Variants in SP100 observed in about 807,000 individuals in gnomAD.
SP100 encodes SP100 nuclear body protein.
A neutral mutation model predicts 130.0 loss-of-function variants in SP100; 84 were observed. The observed-to-expected ratio is 0.65, with a 90% CI of 0.54 to 0.77. The LOEUF (loss-of-function observed/expected upper bound fraction) is 0.77, where lower values mean the gene tolerates loss of function less well. SP100 is among the 30% of genes least tolerant of loss of function. The probability of loss-of-function intolerance (pLI) is 0.00; values close to 1 mark genes in which losing one functional copy is unlikely to be tolerated. For missense variants in SP100, 978 were observed against 1,052.2 expected (o/e 0.93, Z 0.97); for synonymous variants, 331 against 351.7 (o/e 0.94, Z 0.66).
intron 17 of SP100, among the ~76,000 whole-genome samples, chr2:230,476,996 G>A (rs964459619): frequency 1.3e-5 from 2 of 152,008 alleles, no homozygotes; most frequent in African/African-American, 4.8e-5. Flanking sequence ...CTCCCGAGTA[G>A]CTAGGATTAC....
chr2:230,538,769 G>A (rs1692050754), intron 24 of SP100: 1 of 155,110 alleles, frequency 6.4e-6, no homozygotes, highest in Non-Finnish European at 1.4e-5. Context: ...CAGGCCCAGA[G>A]CCCTCCAGGA....
chr2:230,500,392 G>T (rs1190093594), intron 19 of SP100, among the ~76,000 whole-genome samples: 1 of 152,216 alleles, frequency 6.6e-6, no homozygotes, highest in African/African-American at 2.4e-5. Context: ...CAGGCCAAGA[G>T]CTGGGAAGCA....
chr2:230,436,907 CAT>C (rs1491322147), intron 2 of SP100, among the ~76,000 whole-genome samples: 6 of 57,216 alleles, frequency 1.0e-4, no homozygotes, highest in African/African-American at 3.3e-4. Flanking sequence ...TACACACACG[CAT>C]ATATGTGTAT....
At chr2:230,467,069 T>C (rs766910694) in intron 12 of SP100, 51 bp from the exon 13 acceptor site, 1 of 1,219,500 alleles carries the variant, frequency 8.2e-7, no homozygotes, top group Non-Finnish European at 1.2e-6. Flanking sequence ...TCTGACTTGG[T>C]TCCCTTATCA....
At chr2:230,442,897 A>G in intron 2 of SP100, 40 bp from the exon 3 acceptor site, 1 of 1,581,544 alleles carries the variant, frequency 6.3e-7, no homozygotes, top group Non-Finnish European at 8.6e-7. Flanking sequence ...ACATCTCAGA[A>G]TCTTGATGAC....
intron 24 of SP100, among the ~76,000 whole-genome samples, chr2:230,529,009 C>T (rs946707372): frequency 6.6e-6 from 1 of 152,210 alleles, no homozygotes; most frequent in Non-Finnish European, 1.5e-5. Flanking sequence ...CAAAGAGGAG[C>T]TGGTCCCATT....
intron 1 of SP100, among the ~76,000 whole-genome samples, chr2:230,417,115 A>T (rs548535981): frequency 1.3e-5 from 2 of 152,326 alleles, no homozygotes; most frequent in African/African-American, 4.8e-5. Context: ...TTTGCCACTC[A>T]GCCATTCTTG....
chr2:230,464,296 T>C (rs895397520), intron 11 of SP100, 146 bp downstream of exon 11: 8 of 600,304 alleles, frequency 1.3e-5, no homozygotes, highest in Non-Finnish European at 2.4e-5. Flanking sequence ...ACATTTAACC[T>C]CTCTGGCCCT....
chr2:230,515,394 T>C (rs748230190), intron 24 of SP100: 11 of 1,613,864 alleles, frequency 6.8e-6, no homozygotes, highest in Non-Finnish European at 7.6e-6. Flanking sequence ...CCATTGATGA[T>C]GTTGTGAAGA....
At chr2:230,453,866 AG>A (rs2064137543) in intron 8 of SP100, among the ~76,000 whole-genome samples, 1 of 152,180 alleles carries the variant, frequency 6.6e-6, no homozygotes, top group Non-Finnish European at 1.5e-5. Flanking sequence ...AGTTTGAAAA[AG>A]ATTGCTATTT....
chr2:230,454,974 A>G (rs1171568590), intron 8 of SP100, among the ~76,000 whole-genome samples: 1 of 152,140 alleles, frequency 6.6e-6, no homozygotes, highest in African/African-American at 2.4e-5. Context: ...TATTGGGTGC[A>G]TATGTTTACA....
intron 24 of SP100, among the ~76,000 whole-genome samples, chr2:230,518,744 G>C (rs2150093654): frequency 6.6e-6 from 1 of 152,098 alleles, no homozygotes; most frequent in East Asian, 1.9e-4. Flanking sequence ...CAATTTTATA[G>C]CCTGTGAATA....
chr2:230,472,377 A>C (rs549231796), intron 15 of SP100, among the ~76,000 whole-genome samples: 1 of 149,374 alleles, frequency 6.7e-6, no homozygotes, highest in African/African-American at 2.5e-5. Context: ...GCAGTGAACC[A>C]AGATCGCACC....
At chr2:230,463,970 T>C in intron 10 of SP100, 97 bp from the exon 11 acceptor site, 1 of 797,604 alleles carries the variant, frequency 1.3e-6, no homozygotes, top group Non-Finnish European at 2.1e-6. Flanking sequence ...GCACGGATTT[T>C]CAAGGTTTTC....
intron 17 of SP100, among the ~76,000 whole-genome samples, chr2:230,476,081 C>T (rs1212212586): frequency 1.3e-5 from 2 of 152,080 alleles, no homozygotes; most frequent in Non-Finnish European, 2.9e-5. Context: ...AAAAATGACG[C>T]TTTTATTTTA....
rs5839370 is a variant in SP100, at chr2:230,499,467, ACTCTCT to A, written c.1720+950_1720+955del. On this transcript the variant is annotated intron_variant, in intron 19 of 28. Transcript: ENST00000340126. Reference sequence around the variant, plus strand: ...TCTCTGGCCACATAACTTCATATAGACTCTCTCTCTCTCTCTCTCTCTCCCCCTATA... The same window carrying A: ...TCTCTGGCCACATAACTTCATATAGACTCTCTCTCTCTCTCTCCCCCTATA... Among the ~76,000 whole-genome samples, 29 of 29,572 alleles carry A rather than the reference ACTCTCT, an allele frequency of 9.8e-4. 3 individuals carry two copies. In the East Asian group the frequency reaches 0.012, roughly 12 times the overall value. 19.4% of individuals were successfully genotyped at this position (29,572 alleles called of 152,430 possible).
chr2:230,524,696 G>T (rs1278021239), intron 24 of SP100, among the ~76,000 whole-genome samples: 1 of 152,146 alleles, frequency 6.6e-6, no homozygotes, highest in African/African-American at 2.4e-5. Flanking sequence ...GATGCTCATT[G>T]GTTGTCTGGT....
intron 8 of SP100, 87 bp from the exon 9 acceptor site, chr2:230,461,175 T>A (rs1297063945): frequency 1.2e-5 from 16 of 1,303,708 alleles, no homozygotes; most frequent in Admixed American, 1.9e-5. Flanking sequence ...GCCCCAGCAG[T>A]GAAATTGCAG....
intron 24 of SP100, chr2:230,515,862 G>C: frequency 7.8e-7 from 1 of 1,285,530 alleles, no homozygotes; most frequent in South Asian, 2.3e-5. Flanking sequence ...ACAGTATGGG[G>C]GTTGTAAATT....
Sources: allele counts gnomAD v4.1 joint callset (sites outside exome capture counted in the v4.1 genomes callset), GRCh38; gene constraint gnomAD v4.1.1; transcripts MANE v1.5; gene names NCBI Gene and HGNC (gene_info 2026-07-23, HGNC 2026-07-21).